Variants in FOXO1 observed in about 807,000 individuals in gnomAD.
FOXO1 encodes the protein forkhead box O1, also known as forkhead box protein O1.
FOXO1 carries 6 observed loss-of-function variants against 44.1 expected under a neutral mutation model. The ratio of observed to expected loss-of-function variants is 0.14; its 90% CI spans 0.07 to 0.27. The LOEUF (loss-of-function observed/expected upper bound fraction) is 0.27, where lower values mean the gene tolerates loss of function less well. FOXO1 is among the 10% of genes least tolerant of loss of function. FOXO1 has a pLI of 1.00. For missense variants in FOXO1, 737 were observed against 888.8 expected, an observed-to-expected ratio of 0.83 and a Z score of 2.17; for synonymous variants, 380 against 362.7, an observed-to-expected ratio of 1.05 and a Z score of -0.54.
At chr13:40,563,821 C>G (rs1874147388) in intron 1 of FOXO1, among the ~76,000 whole-genome samples, 1 of 152,184 alleles carries the variant, frequency 6.6e-6, no homozygotes, top group Non-Finnish European at 1.5e-5. Flanking sequence ...CCAACCCCAG[C>G]CGAACCGAGT....
intron 1 of FOXO1, among the ~76,000 whole-genome samples, chr13:40,562,464 C>T (rs1874073213): frequency 6.6e-6 from 1 of 152,138 alleles, no homozygotes; most frequent in Non-Finnish European, 1.5e-5. Flanking sequence ...CTTAAGTTTC[C>T]TCACCTGTAA....
intron 1 of FOXO1, among the ~76,000 whole-genome samples, chr13:40,613,541 T>A (rs139573535): frequency 6.6e-6 from 1 of 152,168 alleles, no homozygotes; most frequent in African/African-American, 2.4e-5. Context: ...CATCTGCAGT[T>A]TGAGTGTTAA....
intron 1 of FOXO1, among the ~76,000 whole-genome samples, chr13:40,585,127 A>G (rs1169840964): frequency 6.6e-6 from 1 of 152,142 alleles, no homozygotes; most frequent in Non-Finnish European, 1.5e-5. Context: ...AATTCATTAG[A>G]TATTTATGAA....
intron 1 of FOXO1, among the ~76,000 whole-genome samples, chr13:40,579,526 G>C (rs940939661): frequency 6.6e-6 from 1 of 152,034 alleles, no homozygotes; most frequent in Non-Finnish European, 1.5e-5. Flanking sequence ...AGACAAGCAA[G>C]GTATAGGAAG....
At chr13:40,568,088 G>A (rs1402295698) in intron 1 of FOXO1, among the ~76,000 whole-genome samples, 10 of 152,120 alleles carry the variant, frequency 6.6e-5, no homozygotes, top group Non-Finnish European at 1.3e-4. Flanking sequence ...GGGAAAACCT[G>A]TGGGGACTCA....
Position 40,559,857 on chromosome 13 carries a change from G to T in FOXO1, c.1634C>A (p.Thr545Asn). 6.2e-7 allele frequency: 1 copy of T among 1,614,140 alleles called. No individual in the cohort carries two copies. The change falls in exon 2 of 3, where the codon ACC becomes AAC. Residue 545 changes from threonine to asparagine, a missense_variant. By Grantham distance (65) the Thr-to-Asn change is moderately conservative. Around this residue, in one of 7 missense-constraint regions of FOXO1, gnomAD observed 283 missense variants for 278.1 expected, o/e 1.02. Coordinates refer to ENST00000379561, the MANE Select transcript of FOXO1 (RefSeq NM_002015.4). ...NGRPLPHTVSTMPHTSGMNRL... is the reference protein window; with the variant it reads ...NGRPLPHTVSNMPHTSGMNRL... ...GTTCATACCCGAGGTGTGGGGCATG[G>T]TGCTTACCGTGTGGGGCAGGGGACG...
rs1167812679 is a variant in FOXO1, at chr13:40,666,255, G to A, written c.-43C>T. 8 of 1,350,870 alleles carry A rather than the reference G, an allele frequency of 5.9e-6. No homozygotes were observed. Among genetic ancestry groups the A allele is most frequent in the South Asian group, 5.1e-5 (3 of 59,186 alleles). The allele number at this position is 1,350,870 out of a possible 1,614,324, so 83.7% of individuals were successfully genotyped here. ...CCCCAGCCGCAGGAGAGCCAAGAGG[G>A]GGAGAACGCAGCACTGGGGGCGGAC... On this transcript the variant is annotated 5_prime_UTR_variant, in exon 1 of 3. Transcript: ENST00000379561.
intron 1 of FOXO1, among the ~76,000 whole-genome samples, chr13:40,645,106 T>C (rs778196330): frequency 6.6e-6 from 1 of 152,242 alleles, no homozygotes; most frequent in South Asian, 2.1e-4. Context: ...ACCTTGGTAT[T>C]TCTGCATGAG....
chr13:40,595,498 A>C (rs1875544305), intron 1 of FOXO1, among the ~76,000 whole-genome samples: 1 of 152,186 alleles, frequency 6.6e-6, no homozygotes. Context: ...ATGATAATTA[A>C]ACATAATTAT....
At chr13:40,585,900 T>C (rs1875146451) in intron 1 of FOXO1, among the ~76,000 whole-genome samples, 1 of 152,238 alleles carries the variant, frequency 6.6e-6, no homozygotes, top group Non-Finnish European at 1.5e-5. Flanking sequence ...ACTAGTTCCA[T>C]GTTTGAGACC....
rs567201093 is a variant in FOXO1 at position 40,556,083 on chromosome 13, G to A, written c.*2966C>T. 2.0e-5 allele frequency: 3 copies of A among 152,302 alleles called. No individual in the cohort carries two copies. The highest frequency in any genetic ancestry group is 7.2e-5 in the African/African-American group (3 of 41,576). The allele number at this position is 152,302 out of a possible 1,614,324, so 9.4% of individuals were successfully genotyped here. A position where few individuals can be genotyped will look rare whatever the true frequency, so the allele number is the denominator to read the frequency against. The stretch of plus-strand genomic sequence containing the variant: ...TTATTCCCAAACTAAAACCAGAAAA[G>A]AAACTTCTCTTTTAAAATTAGTTAT... On this transcript the variant is annotated 3_prime_UTR_variant, in exon 3 of 3. Coordinates refer to ENST00000379561, the MANE Select transcript of FOXO1 (RefSeq NM_002015.4).
At chr13:40,644,086 C>A (rs923426567) in intron 1 of FOXO1, among the ~76,000 whole-genome samples, 3 of 152,084 alleles carry the variant, frequency 2.0e-5, no homozygotes, top group Admixed American at 2.0e-4. Flanking sequence ...CTGACGTGAC[C>A]CCAACGTGAG....
chr13:40,566,752 A>G (rs1439417151), intron 1 of FOXO1, among the ~76,000 whole-genome samples: 1 of 152,222 alleles, frequency 6.6e-6, no homozygotes, highest in Admixed American at 6.5e-5. Context: ...CAATATATTT[A>G]AAGTGTATAA....
At chr13:40,569,101 G>C (rs1304867701) in intron 1 of FOXO1, among the ~76,000 whole-genome samples, 1 of 152,172 alleles carries the variant, frequency 6.6e-6, no homozygotes, top group Non-Finnish European at 1.5e-5. Flanking sequence ...ACTCTAGTCA[G>C]TCATTCCAAA....
intron 1 of FOXO1, among the ~76,000 whole-genome samples, chr13:40,569,570 A>G (rs1247148616): frequency 1.3e-5 from 2 of 152,174 alleles, no homozygotes; most frequent in African/African-American, 2.4e-5. Flanking sequence ...CTTATTTCCA[A>G]TGTCCTCACA....
At chr13:40,618,906 G>A in intron 1 of FOXO1, 1 of 525,030 alleles carries the variant, frequency 1.9e-6, no homozygotes, top group Non-Finnish European at 3.8e-6. Flanking sequence ...AATCTTTTAG[G>A]CTCCCCTAGA....
chr13:40,633,885 T>C (rs755425801), intron 1 of FOXO1, among the ~76,000 whole-genome samples: 1 of 152,208 alleles, frequency 6.6e-6, no homozygotes, highest in Non-Finnish European at 1.5e-5. Flanking sequence ...TATGCTCAAG[T>C]ATAGAAACTC....
At chr13:40,654,145 C>A (rs1467330827) in intron 1 of FOXO1, among the ~76,000 whole-genome samples, 2 of 151,610 alleles carry the variant, frequency 1.3e-5, no homozygotes, top group African/African-American at 2.4e-5. Flanking sequence ...AGCTCTGTAA[C>A]TGGAACTGCT....
At chr13:40,581,837 A>T (rs1392595229) in intron 1 of FOXO1, among the ~76,000 whole-genome samples, 9 of 152,248 alleles carry the variant, frequency 5.9e-5, no homozygotes, top group Non-Finnish European at 4.4e-5. Context: ...AAATGATAAC[A>T]TTTATGTAAA....
Sources: allele counts gnomAD v4.1 joint callset (sites outside exome capture counted in the v4.1 genomes callset), GRCh38; gene constraint gnomAD v4.1.1; regional missense constraint gnomAD v4.1.1; transcripts MANE v1.5; gene names NCBI Gene and HGNC (gene_info 2026-07-23, HGNC 2026-07-21).